Variants in ADAMTS9 observed in about 807,000 individuals in gnomAD.
The protein encoded by ADAMTS9 is A disintegrin and metalloproteinase with thrombospondin motifs 9.
In ADAMTS9, 107 loss-of-function variants were observed where a neutral mutation model predicts 257.1. The ratio of observed to expected loss-of-function variants is 0.42; its 90% CI spans 0.36 to 0.49. The LOEUF is 0.49. Among genes scored for constraint, ADAMTS9 ranks in the 20% least tolerant of loss-of-function variants. The pLI is 0.03. For synonymous variants in ADAMTS9, 982 were observed against 880.9 expected, an observed-to-expected ratio of 1.11 and a Z score of -2.03; for missense variants, 2,353 against 2,469.1, an observed-to-expected ratio of 0.95 and a Z score of 1.00.
intron 19 of ADAMTS9, among the ~76,000 whole-genome samples, chr3:64,620,391 T>C (rs1700076334): frequency 6.6e-6 from 1 of 151,338 alleles, no homozygotes; most frequent in South Asian, 2.1e-4. Context: ...AACACATTCC[T>C]ATACCACTCT....
intron 11 of ADAMTS9, among the ~76,000 whole-genome samples, chr3:64,643,051 C>T (rs1175629732): frequency 6.6e-6 from 1 of 152,216 alleles, no homozygotes; most frequent in Non-Finnish European, 1.5e-5. Context: ...TAATTATCCT[C>T]TTACAGTATC....
chr3:64,574,906 C>T (rs1197302841), intron 28 of ADAMTS9, among the ~76,000 whole-genome samples: 2 of 152,174 alleles, frequency 1.3e-5, no homozygotes, highest in Non-Finnish European at 2.9e-5. Context: ...TCCTCAGTCT[C>T]CCACGAAGAG....
intron 28 of ADAMTS9, among the ~76,000 whole-genome samples, chr3:64,574,964 A>C (rs941375961): frequency 6.6e-6 from 1 of 152,204 alleles, no homozygotes; most frequent in Non-Finnish European, 1.5e-5. Flanking sequence ...CTTTTCTCAC[A>C]ACACCTTTAG....
chr3:64,683,861 G>C (rs1701822158), intron 2 of ADAMTS9, among the ~76,000 whole-genome samples: 1 of 152,160 alleles, frequency 6.6e-6, no homozygotes, highest in Non-Finnish European at 1.5e-5. Flanking sequence ...TGATACAAGG[G>C]AGAACGTACT....
chr3:64,616,474 G>A (rs918268540), intron 19 of ADAMTS9, among the ~76,000 whole-genome samples: 16 of 152,038 alleles, frequency 1.1e-4, no homozygotes, highest in African/African-American at 3.9e-4. Context: ...TTTTTCAAGT[G>A]TATTAAAACC....
At chr3:64,627,681 T>C (rs1394876518) in intron 16 of ADAMTS9, among the ~76,000 whole-genome samples, 1 of 152,132 alleles carries the variant, frequency 6.6e-6, no homozygotes, top group African/African-American at 2.4e-5. Context: ...CTAATGCGAT[T>C]AAGGGAGCTA....
chr3:64,605,666 T>A (rs958807747), intron 23 of ADAMTS9, among the ~76,000 whole-genome samples: 18 of 152,210 alleles, frequency 1.2e-4, no homozygotes, highest in African/African-American at 4.1e-4. Flanking sequence ...TCTCTTTACA[T>A]ACATGATGCC....
At chr3:64,628,436 A>AT (rs770688557) in intron 16 of ADAMTS9, among the ~76,000 whole-genome samples, 11 of 152,216 alleles carry the variant, frequency 7.2e-5, no homozygotes, top group Non-Finnish European at 1.3e-4. Flanking sequence ...CAGGAAATTA[A>AT]TTTATAAAGC....
At chr3:64,521,974 G>A (rs886861447) in intron 39 of ADAMTS9, among the ~76,000 whole-genome samples, 192 bp downstream of exon 39, 1 of 152,230 alleles carries the variant, frequency 6.6e-6, no homozygotes, top group Non-Finnish European at 1.5e-5. Flanking sequence ...GGGAAGCCAT[G>A]TCTAATGGCA....
intron 30 of ADAMTS9, 28 bp downstream of exon 30, chr3:64,561,550 G>A (rs750593389): frequency 1.2e-6 from 2 of 1,600,740 alleles, no homozygotes; most frequent in Non-Finnish European, 1.7e-6. Flanking sequence ...GAAATGCCTG[G>A]CAGGTACCCC....
At chr3:64,683,400 C>A (rs576831514) in intron 2 of ADAMTS9, among the ~76,000 whole-genome samples, 4 of 152,282 alleles carry the variant, frequency 2.6e-5, no homozygotes, top group East Asian at 3.9e-4. Context: ...TTCAGGAGAA[C>A]AGGATCAGTC....
chr3:64,521,294 A>C (rs1292387694), intron 39 of ADAMTS9, among the ~76,000 whole-genome samples: 1 of 152,200 alleles, frequency 6.6e-6, no homozygotes. Flanking sequence ...AAGTAAAAAG[A>C]TAACAGATAT....
intron 26 of ADAMTS9, among the ~76,000 whole-genome samples, 177 bp from the exon 27 acceptor site, chr3:64,597,168 C>T (rs2084382677): frequency 2.0e-5 from 3 of 152,174 alleles, no homozygotes. Flanking sequence ...GTTTCATGTA[C>T]ACATCCTATA....
chr3:64,517,883 C>T (rs1286552201), intron 39 of ADAMTS9, among the ~76,000 whole-genome samples: 1 of 152,098 alleles, frequency 6.6e-6, no homozygotes, highest in Non-Finnish European at 1.5e-5. Context: ...TAACAAAATG[C>T]CTTCTTGTCC....
chr3:64,547,412 C>T (rs1351035687), intron 31 of ADAMTS9, among the ~76,000 whole-genome samples: 3 of 151,114 alleles, frequency 2.0e-5, no homozygotes, highest in South Asian at 2.1e-4. Context: ...ACTGAGCCAA[C>T]GGGGACTCTG....
intron 8 of ADAMTS9, among the ~76,000 whole-genome samples, chr3:64,652,606 T>A (rs1016300452): frequency 2.6e-5 from 4 of 152,188 alleles, no homozygotes; most frequent in Non-Finnish European, 2.9e-5. Flanking sequence ...GTAAATAAGC[T>A]GAAAATTTAT....
chr3:64,543,994 T>C (rs1559755665), intron 32 of ADAMTS9, among the ~76,000 whole-genome samples: 1 of 152,230 alleles, frequency 6.6e-6, no homozygotes, highest in African/African-American at 2.4e-5. Context: ...AGCCAAATCA[T>C]GAGTGAATTC....
chr3:64,597,035 T>C lies in ADAMTS9; in HGVS notation c.4018-44A>G, dbSNP rs765471274. The stretch of plus-strand genomic sequence containing the variant: ...AAGTTAATCCCCACCTCAATCTCCA[T>C]CTTAGGGACACAGAAGCAGCTGGTT... On this transcript the variant is annotated intron_variant, in intron 26 of 39. Coordinates refer to ENST00000498707, the MANE Select transcript of ADAMTS9 (RefSeq NM_182920.2). 2.0e-5 allele frequency: 32 copies of C among 1,607,640 alleles called. No homozygotes were observed. In the Admixed American group the frequency reaches 4.2e-4, roughly 21 times the overall value.
At position 64,530,114 on chromosome 3, in the gene ADAMTS9, A is replaced by G. The variant is rs1189053508; in HGVS notation, c.5718+3052T>C. ...GCTGGGATTATGGGCACAAGGCACT[A>G]CATCTGGCCACCTGCTTGTGTTTTC... On this transcript the variant is annotated intron_variant, in intron 38 of 39. Transcript: ENST00000498707. 2.7e-5 allele frequency among the ~76,000 whole-genome samples: 4 copies of G among 149,052 alleles called. No individual in the cohort carries two copies. In the East Asian group the frequency reaches 7.9e-4, roughly 30 times the overall value.
Sources: gnomAD v4.1 joint callset for allele counts (sites outside exome capture counted in the v4.1 genomes callset) on GRCh38, gnomAD v4.1.1 for gene constraint, MANE v1.5 for transcripts, NCBI Gene and HGNC (gene_info 2026-07-23, HGNC 2026-07-21) for gene names.